The following CACNA1C variants were observed in gnomAD, a reference collection of about 807,000 sequenced individuals.
The protein encoded by CACNA1C is calcium voltage-gated channel subunit alpha1 C, also known as voltage-dependent L-type calcium channel subunit alpha-1C.
A neutral mutation model predicts 229.0 loss-of-function variants in CACNA1C; 30 were observed. The ratio of observed to expected loss-of-function variants is 0.13; its 90% CI spans 0.10 to 0.18. The LOEUF is 0.18. Ranked by LOEUF, CACNA1C falls within the 10% of genes least tolerant of loss-of-function variation. The probability of loss-of-function intolerance (pLI) is 1.00; values close to 1 mark genes in which losing one functional copy is unlikely to be tolerated. For synonymous variants in CACNA1C, 1,114 were observed against 1,132.5 expected (o/e 0.98, Z 0.33); for missense variants, 1,658 against 2,845.0 (o/e 0.58, Z 9.49).
rs2075612790 is a variant in CACNA1C at position 2,606,851 on chromosome 12, G to A, written c.3210-133G>A. The A allele has an allele frequency of 3.6e-6, 4 of 1,117,996 alleles. No homozygotes were observed. In the South Asian group the frequency reaches 6.1e-5, roughly 17 times the overall value. The allele number at this position is 1,117,996 out of a possible 1,614,324, so 69.3% of individuals were successfully genotyped here. On this transcript the variant is annotated intron_variant, in intron 25 of 46. Transcript: ENST00000399655. ...GTTCCTGAAGTTTCTGCCCACTGAAGCTCCTCCCATGGCTAGAACGGTGAA... is the reference window on the plus strand; with the variant it reads ...GTTCCTGAAGTTTCTGCCCACTGAAACTCCTCCCATGGCTAGAACGGTGAA...
At chr12:2,004,553 G>T (rs2154480477) in intron 1 of CACNA1C, 2 of 1,404,954 alleles carry the variant, frequency 1.4e-6, no homozygotes, top group East Asian at 2.4e-5. Flanking sequence ...GAGGCCTTCC[G>T]GCTCCAGTCA....
intron 3 of CACNA1C, among the ~76,000 whole-genome samples, chr12:2,440,421 T>C (rs1171346673): frequency 6.6e-6 from 1 of 152,236 alleles, no homozygotes; most frequent in African/African-American, 2.4e-5. Context: ...CACAGTGTTT[T>C]CACGGCTCGT....
chr12:2,093,076 G>A (rs1209129945), intron 1 of CACNA1C, among the ~76,000 whole-genome samples: 1 of 152,252 alleles, frequency 6.6e-6, no homozygotes, highest in Admixed American at 6.5e-5. Context: ...ATGCCAGGCT[G>A]CCTGGAGCTA....
chr12:2,562,312 C>T (rs1182447179), intron 11 of CACNA1C, among the ~76,000 whole-genome samples: 2 of 152,140 alleles, frequency 1.3e-5, no homozygotes, highest in Admixed American at 6.5e-5. Flanking sequence ...CTCTACATAC[C>T]GCAAAGAAAG....
At chr12:2,559,455 A>G (rs2046316670) in intron 11 of CACNA1C, among the ~76,000 whole-genome samples, 1 of 152,100 alleles carries the variant, frequency 6.6e-6, no homozygotes, top group African/African-American at 2.4e-5. Flanking sequence ...AAACCTCTGG[A>G]GTCTCCCTCG....
intron 2 of CACNA1C, among the ~76,000 whole-genome samples, chr12:2,119,763 G>T (rs2085679708): frequency 6.6e-6 from 1 of 152,248 alleles, no homozygotes; most frequent in Non-Finnish European, 1.5e-5. Flanking sequence ...ACTCTTGGGG[G>T]TCTTCAGGAT....
intron 11 of CACNA1C, among the ~76,000 whole-genome samples, chr12:2,558,498 G>T (rs530556355): frequency 6.6e-6 from 1 of 152,316 alleles, no homozygotes; most frequent in Admixed American, 6.5e-5. Context: ...GACACTTCCA[G>T]GTCCCTCACA....
At chr12:2,387,410 G>A (rs897633076) in intron 3 of CACNA1C, among the ~76,000 whole-genome samples, 54 of 152,154 alleles carry the variant, frequency 3.5e-4, no homozygotes, top group Admixed American at 3.0e-3. Context: ...GCTTGAAACC[G>A]GGAGGCAGGG....
chr12:2,018,481 G>C (rs1425893002), intron 1 of CACNA1C, among the ~76,000 whole-genome samples: 2 of 152,112 alleles, frequency 1.3e-5, no homozygotes, highest in East Asian at 3.8e-4. Flanking sequence ...GCTGGCTCCA[G>C]TACACCACGG....
chr12:2,334,492 T>C (rs1293711423), intron 3 of CACNA1C, among the ~76,000 whole-genome samples: 1 of 152,136 alleles, frequency 6.6e-6, no homozygotes, highest in African/African-American at 2.4e-5. Flanking sequence ...GGCTTGGATG[T>C]CTGGCAAGTC....
At chr12:2,499,780 A>G (rs116658577) in intron 7 of CACNA1C, among the ~76,000 whole-genome samples, 2,004 of 152,100 alleles carry the variant, frequency 0.013, 41 homozygotes, top group African/African-American at 0.046. Context: ...TCACCTCTAA[A>G]TAAGGGTGTC....
chr12:2,241,252 A>C (rs2070023003), intron 3 of CACNA1C, among the ~76,000 whole-genome samples: 1 of 152,096 alleles, frequency 6.6e-6, no homozygotes, highest in Non-Finnish European at 1.5e-5. Context: ...AGATGATGTC[A>C]TGGCAGCCTT....
In CACNA1C at chr12:2,651,482, G is replaced by C; in HGVS notation, c.3946-158G>C. 9.9e-7 allele frequency: 1 copy of C among 1,012,852 alleles called. No individual in the cohort carries two copies. The highest frequency in any genetic ancestry group is 1.5e-5 in the South Asian group (1 of 68,832). 62.7% of individuals were successfully genotyped at this position (1,012,852 alleles called of 1,614,324 possible). ...GGCTGGGCTGTCCACTCATTAAAGT[G>C]GGCGGCCGCCCTCCCATCGGAGGGG... On this transcript the variant is annotated intron_variant, in intron 31 of 46. Transcript: ENST00000399655. This position sits in a 1 kb window ranked among gnomAD's most constrained non-coding sequence, Gnocchi z 5.4.
rs181272449 is a variant in CACNA1C at position 2,012,398 on chromosome 12, A to G, written c.139+41197A>G. Among the ~76,000 whole-genome samples the G allele has an allele frequency of 1.0e-3, 153 of 152,302 alleles. 5 individuals are homozygous for G. Among genetic ancestry groups the G allele is most frequent in the South Asian group, 9.5e-3 (46 of 4,834 alleles). On this transcript the variant is annotated intron_variant, in intron 1 of 46. Coordinates refer to the CACNA1C transcript ENST00000682462. ...GTTTGAACACAGCCATGCTCACTGG[A>G]TTGTCTATGGCTGTTTGCACCTTGC...
intron 3 of CACNA1C, among the ~76,000 whole-genome samples, chr12:2,313,541 T>C (rs541062174): frequency 6.6e-6 from 1 of 152,342 alleles, no homozygotes; most frequent in East Asian, 1.9e-4. Flanking sequence ...AGCATTCCTA[T>C]AATCAGTGAG....
chr12:2,583,952 G>C (rs1227409338), intron 15 of CACNA1C, among the ~76,000 whole-genome samples: 1 of 152,220 alleles, frequency 6.6e-6, no homozygotes, highest in African/African-American at 2.4e-5. Flanking sequence ...CTGACCCACA[G>C]TGTTTCTGTT....
Position 2,674,658 on chromosome 12 carries a change from A to T in CACNA1C, c.4828+16A>T, listed in dbSNP as rs1249018573. 1.9e-6 allele frequency: 3 copies of T among 1,541,656 alleles called. No individual in the cohort carries two copies. The highest frequency in any genetic ancestry group is 2.1e-4 in the Middle Eastern group (1 of 4,870). ...CCTGCAGGTGGTGAGTGCTCCCTGG[A>T]CTCCCGCACCTTGGCCACTGCCTGG... On this transcript the variant is annotated intron_variant, in intron 39 of 46. Transcript: ENST00000399655.
chr12:2,139,541 G>T lies in CACNA1C; in HGVS notation c.477+19111G>T, dbSNP rs1305251073. The stretch of plus-strand genomic sequence containing the variant: ...GTGAGGGCCAGGCCAGGCTGTTAGA[G>T]TGTTTCTTGAAGGAAGGTGTGCTTC... On this transcript the variant is annotated intron_variant, in intron 3 of 46. Transcript: ENST00000399655. Among the ~76,000 whole-genome samples, 2 of 151,226 alleles carry T rather than the reference G, an allele frequency of 1.3e-5. 1 individual carries two copies. The highest frequency in any genetic ancestry group is 1.3e-4 in the Admixed American group (2 of 15,026).
chr12:2,666,402 A>G lies in CACNA1C; in HGVS notation c.4527-284A>G, dbSNP rs2096108599. 6.6e-6 allele frequency among the ~76,000 whole-genome samples: 1 copy of G among 152,196 alleles called. No homozygotes were observed. The highest frequency in any genetic ancestry group is 1.5e-5 in the Non-Finnish European group (1 of 68,034). On this transcript the variant is annotated intron_variant, in intron 36 of 46. Transcript: ENST00000399655. This position sits in a 1 kb window ranked among gnomAD's most constrained non-coding sequence, Gnocchi z 5.3. ...CAGAAGGTTAGTTCATTCAATCAGC[A>G]AGTATATATTGAGAATTTTGTTGCA...
Sources: gnomAD v4.1 joint callset for allele counts (sites outside exome capture counted in the v4.1 genomes callset) on GRCh38, gnomAD v4.1.1 for gene constraint, Gnocchi (gnomAD v3.1) non-coding constraint, MANE v1.5 for transcripts, NCBI Gene and HGNC (gene_info 2026-07-23, HGNC 2026-07-21) for gene names.